The following ABCA12 variants were observed in gnomAD, a reference collection of about 807,000 sequenced individuals.
The protein encoded by ABCA12 is ATP binding cassette subfamily A member 12, also known as glucosylceramide transporter ABCA12.
ABCA12 carries 156 observed loss-of-function variants against 293.5 expected under a neutral mutation model. The ratio of observed to expected loss-of-function variants is 0.53; its 90% CI spans 0.47 to 0.61. The LOEUF is 0.61. ABCA12 is among the 20% of genes least tolerant of loss of function. The probability of loss-of-function intolerance (pLI) is 0.00; values close to 1 mark genes in which losing one functional copy is unlikely to be tolerated. For synonymous variants in ABCA12, 1,063 were observed against 1,108.0 expected (o/e 0.96, Z 0.81); for missense variants, 2,797 against 3,090.2 (o/e 0.91, Z 2.25).
chr2:215,058,563 T>C (rs1701466131), intron 3 of ABCA12, among the ~76,000 whole-genome samples: 1 of 152,006 alleles, frequency 6.6e-6, no homozygotes, highest in African/African-American at 2.4e-5. Context: ...AACTTAGCTG[T>C]CCACTGAATT....
intron 2 of ABCA12, among the ~76,000 whole-genome samples, chr2:215,093,462 C>A (rs1702189103): frequency 6.6e-6 from 1 of 152,082 alleles, no homozygotes; most frequent in South Asian, 2.1e-4. Flanking sequence ...CTCTCCCTAA[C>A]TCATCCCAAC....
At position 214,948,628 on chromosome 2, in the gene ABCA12, C is replaced by A; in HGVS notation, c.7072G>T (p.Val2358Leu). The A allele has an allele frequency of 1.9e-6, 3 of 1,613,998 alleles. No homozygotes were observed. The highest frequency in any genetic ancestry group is 2.5e-6 in the Non-Finnish European group (3 of 1,179,946). The stretch of plus-strand genomic sequence containing the variant: ...ATATCCTTTTCTGGAATTCCATGTA[C>A]CCTGGCATAGAAATACAAATGTTCT... ...VEEHLYFYAR[V>L]HGIPEKDIKE... Residue 2358 changes from valine (V) to leucine (L), a missense_variant, in exon 47 of 53, where the codon GTA becomes TTA. Coordinates refer to ENST00000272895, the MANE Select transcript of ABCA12 (RefSeq NM_173076.3).
rs141334216 is a variant in ABCA12 at position 215,123,469 on chromosome 2, C to T, written c.70-11779G>A. On this transcript the variant is annotated intron_variant, in intron 1 of 52. Coordinates refer to ENST00000272895, the MANE Select transcript of ABCA12 (RefSeq NM_173076.3). ...TACAGGTGTGAGCCACTGCACCTGGCGTCCCACATTTTCTTTATCCAATGA... is the reference window on the plus strand; with the variant it reads ...TACAGGTGTGAGCCACTGCACCTGGTGTCCCACATTTTCTTTATCCAATGA... Among the ~76,000 whole-genome samples, 62 of 152,282 alleles carry T rather than the reference C, an allele frequency of 4.1e-4. 3 individuals carry two copies. The East Asian group carries it at 0.011, about 26-fold the overall frequency.
intron 23 of ABCA12, among the ~76,000 whole-genome samples, chr2:214,994,370 G>A (rs1699991764): frequency 1.3e-5 from 2 of 152,184 alleles, no homozygotes; most frequent in Admixed American, 1.3e-4. Flanking sequence ...GTTGCTCAAA[G>A]AAAACCCCGC....
At chr2:214,974,674 C>T in intron 35 of ABCA12, 104 bp downstream of exon 35, 1 of 1,090,404 alleles carries the variant, frequency 9.2e-7, no homozygotes, top group Non-Finnish European at 1.4e-6. Flanking sequence ...TATCAGGGTA[C>T]AGCTTTCTTC....
At chr2:215,081,537 G>T (rs1245097111) in intron 2 of ABCA12, among the ~76,000 whole-genome samples, 1 of 145,334 alleles carries the variant, frequency 6.9e-6, no homozygotes, top group African/African-American at 2.5e-5. Context: ...AAAAGAAAAA[G>T]AAAAGAAACA....
chr2:215,057,207 C>T (rs760315085), intron 3 of ABCA12, among the ~76,000 whole-genome samples: 5 of 152,024 alleles, frequency 3.3e-5, no homozygotes, highest in Non-Finnish European at 7.4e-5. Flanking sequence ...TAAAAGATCT[C>T]AGCCATCATC....
chr2:215,020,600 T>C (rs1185785572), intron 11 of ABCA12: 2 of 152,224 alleles, frequency 1.3e-5, no homozygotes, highest in Non-Finnish European at 2.9e-5. Flanking sequence ...GTTCTGGAGA[T>C]TAGTTGTACA....
chr2:214,942,169 G>A (rs1574925468), intron 50 of ABCA12, among the ~76,000 whole-genome samples: 1 of 152,010 alleles, frequency 6.6e-6, no homozygotes, highest in Non-Finnish European at 1.5e-5. Flanking sequence ...AATGTTATTG[G>A]GGTTTTAAAA....
chr2:214,987,562 A>C, intron 27 of ABCA12, 85 bp downstream of exon 27: 1 of 1,505,050 alleles, frequency 6.6e-7, no homozygotes. Flanking sequence ...TTTGCCATTT[A>C]GAAAAAAATA....
rs754194195 is a variant in ABCA12 at position 214,956,755 on chromosome 2, C to T, written c.6141G>A (p.Ala2047=). 2.5e-5 allele frequency: 41 copies of T among 1,612,572 alleles called. No individual in the cohort carries two copies. The highest frequency in any genetic ancestry group is 2.7e-5 in the Non-Finnish European group (32 of 1,179,334). Reference sequence around the variant, plus strand: ...AAATCGCAATGATACCAATTGAAAACGCTACAGGCACCAAGTAGAAAACCT... The same window carrying T: ...AAATCGCAATGATACCAATTGAAAATGCTACAGGCACCAAGTAGAAAACCT... ...YDMVFYLVPV[A]FSIGIIAIFK... is the part of the protein sequence containing the mutation. The change falls in exon 42 of 53, where the codon GCG becomes GCA. Residue 2047 remains alanine (A), a synonymous_variant. Coordinates refer to ENST00000272895, the MANE Select transcript of ABCA12 (RefSeq NM_173076.3).
intron 45 of ABCA12, among the ~76,000 whole-genome samples, chr2:214,949,371 T>TACACAC (rs1211812326): frequency 1.9e-4 from 27 of 142,828 alleles, no homozygotes; most frequent in African/African-American, 7.6e-4. Flanking sequence ...TATATATATA[T>TACACAC]ATATATACAC....
rs148586447 is a variant in ABCA12, at chr2:215,054,626, C to T, written c.356G>A (p.Ser119Asn). Residue 119 changes from serine to asparagine, a missense_variant, in exon 4 of 53, where the codon AGC becomes AAC. Physicochemically the swap from Ser to Asn is conservative, Grantham distance 46. Transcript: ENST00000272895. ...LRKSSNLDKD[S>N]SLSFQSTQVP... ...TTGGGTGCTCTGGAATGATAAACTG[C>T]TGTCCTTATCCAGGTTGGATGACTT... is the stretch of plus-strand genomic sequence containing the variant. The T allele has an allele frequency of 5.6e-5, 90 of 1,612,038 alleles. No individual in the cohort carries two copies. In the African/African-American group the frequency reaches 9.5e-4, roughly 17 times the overall value.
At chr2:214,982,024 C>T (rs891379839) in intron 30 of ABCA12, among the ~76,000 whole-genome samples, 163 bp downstream of exon 30, 24 of 149,418 alleles carry the variant, frequency 1.6e-4, no homozygotes, top group Non-Finnish European at 3.1e-4. Context: ...GTTACCCAGG[C>T]TGGTCTCAAA....
In ABCA12 at chr2:214,954,200, AC is replaced by A. The variant is rs1278028846; in HGVS notation, c.6394-94del. On this transcript the variant is annotated intron_variant, in intron 43 of 52. Coordinates refer to ENST00000272895, the MANE Select transcript of ABCA12 (RefSeq NM_173076.3). ...TAGATGGATGTAGACAAATAGTGAA[AC>A]CTAAAAAGCTTATCTAGATTGGCAA... 1.9e-5 allele frequency: 26 copies of A among 1,377,646 alleles called. No homozygotes were observed. The Admixed American group carries it at 2.5e-4, about 13-fold the overall frequency. The allele number at this position is 1,377,646 out of a possible 1,614,324, so 85.3% of individuals were successfully genotyped here.
At chr2:214,938,648 A>C (rs1300759834) in intron 50 of ABCA12, among the ~76,000 whole-genome samples, 1 of 152,096 alleles carries the variant, frequency 6.6e-6, no homozygotes, top group Non-Finnish European at 1.5e-5. Flanking sequence ...CTTTTTAACG[A>C]TCACCATTCT....
chr2:215,036,954 T>C lies in ABCA12; in HGVS notation c.984A>G (p.Gln328=). The change falls in exon 8 of 53, where the codon CAA becomes CAG. Residue 328 remains glutamine (Q), a splice_region_variant and synonymous_variant. Transcript: ENST00000272895. Reference sequence around the variant, plus strand: ...CACAGTAAGATGGAAATATAATACCTTGAGCTGGGGAGTCCAGAGTGTACA... The same window carrying C: ...CACAGTAAGATGGAAATATAATACCCTGAGCTGGGGAGTCCAGAGTGTACA... ...HLLYTLDSPA[Q]GDSDNITHVW... 6.2e-7 allele frequency: 1 copy of C among 1,613,082 alleles called. No homozygotes were observed. Among genetic ancestry groups the C allele is most frequent in the South Asian group, 1.1e-5 (1 of 91,064 alleles).
At position 215,073,224 on chromosome 2, in the gene ABCA12, C is replaced by G. The variant is rs113033933; in HGVS notation, c.164-9005G>C. Among the ~76,000 whole-genome samples the G allele has an allele frequency of 5.3e-3, 808 of 152,244 alleles. 15 individuals carry two copies. The highest frequency in any genetic ancestry group is 0.019 in the African/African-American group (785 of 41,550). ...GACATTTTGCTTTTCTGAAACTTGT[C>G]TTTTAGTAACAAAGATTCACGATTG... On this transcript the variant is annotated intron_variant, in intron 2 of 52. Transcript: ENST00000272895.
chr2:215,084,626 C>T (rs1383260852), intron 2 of ABCA12, among the ~76,000 whole-genome samples: 3 of 152,104 alleles, frequency 2.0e-5, no homozygotes, highest in East Asian at 1.9e-4. Context: ...AGAAGCTTCT[C>T]GTAACTATTA....
Sources: allele counts gnomAD v4.1 joint callset (sites outside exome capture counted in the v4.1 genomes callset), GRCh38; gene constraint gnomAD v4.1.1; transcripts MANE v1.5; gene names NCBI Gene and HGNC (gene_info 2026-07-23, HGNC 2026-07-21).